Variants in COL23A1 observed in about 807,000 individuals in gnomAD.
The protein encoded by COL23A1 is collagen type XXIII alpha 1 chain.
COL23A1 carries 97 observed loss-of-function variants against 99.3 expected under a neutral mutation model. The ratio of observed to expected loss-of-function variants is 0.98; its 90% confidence interval spans 0.83 to 1.16. The LOEUF is 1.16. Among genes scored for constraint, COL23A1 ranks in the 50% most tolerant of loss-of-function variants. COL23A1 has a pLI of 0.00. For missense variants in COL23A1, 762 were observed against 757.4 expected (o/e 1.01, Z -0.07); for synonymous variants, 320 against 308.2 (o/e 1.04, Z -0.40).
intron 1 of COL23A1, among the ~76,000 whole-genome samples, chr5:178,565,480 C>A (rs1179714253): frequency 1.3e-5 from 2 of 152,170 alleles, no homozygotes; most frequent in Non-Finnish European, 2.9e-5. Flanking sequence ...AGCCTTCTCA[C>A]CACCACCAGC....
chr5:178,414,846 C>T (rs1330236440), intron 2 of COL23A1, among the ~76,000 whole-genome samples: 1 of 152,130 alleles, frequency 6.6e-6, no homozygotes, highest in East Asian at 1.9e-4. Context: ...CTAAGGCAGC[C>T]ACATCCCACA....
At chr5:178,463,629 T>C (rs1252817476) in intron 2 of COL23A1, among the ~76,000 whole-genome samples, 1 of 152,160 alleles carries the variant, frequency 6.6e-6, no homozygotes, top group Non-Finnish European at 1.5e-5. Flanking sequence ...GAGAAGAAGT[T>C]GATGAACTCA....
chr5:178,411,549 G>A (rs571425931), intron 2 of COL23A1, among the ~76,000 whole-genome samples: 1 of 152,310 alleles, frequency 6.6e-6, no homozygotes, highest in South Asian at 2.1e-4. Context: ...AAAAGGTGTT[G>A]TATAACTTAC....
intron 2 of COL23A1, among the ~76,000 whole-genome samples, chr5:178,486,927 T>C (rs1278422797): frequency 6.6e-6 from 1 of 152,194 alleles, no homozygotes; most frequent in African/African-American, 2.4e-5. Context: ...ACATCCCTCC[T>C]CTGGACCTCC....
At chr5:178,385,005 G>A (rs1581276411) in intron 2 of COL23A1, among the ~76,000 whole-genome samples, 2 of 152,200 alleles carry the variant, frequency 1.3e-5, no homozygotes, top group East Asian at 1.9e-4. Context: ...CACGCCGGGG[G>A]CTCTGTCCCT....
At chr5:178,243,271 T>G (rs1464920932) in intron 25 of COL23A1, among the ~76,000 whole-genome samples, 1 of 151,840 alleles carries the variant, frequency 6.6e-6, no homozygotes, top group Non-Finnish European at 1.5e-5. Flanking sequence ...GCAGATTGCT[T>G]GAGCTCAGGA....
chr5:178,528,674 G>A (rs1381465915), intron 2 of COL23A1, among the ~76,000 whole-genome samples: 2 of 152,242 alleles, frequency 1.3e-5, no homozygotes, highest in Non-Finnish European at 2.9e-5. Context: ...GCAGGGCATA[G>A]TGGCACGTGC....
intron 2 of COL23A1, among the ~76,000 whole-genome samples, chr5:178,318,437 G>A (rs1759094973): frequency 6.6e-6 from 1 of 152,228 alleles, no homozygotes; most frequent in Non-Finnish European, 1.5e-5. Context: ...GGCAGCTGAA[G>A]GGAGGACTGA....
chr5:178,577,928 G>C (rs1298046666), intron 1 of COL23A1, among the ~76,000 whole-genome samples: 1 of 152,234 alleles, frequency 6.6e-6, no homozygotes, highest in East Asian at 1.9e-4. Context: ...ACACTTGGAC[G>C]GGATAACTTC....
chr5:178,414,379 G>A (rs72822885), intron 2 of COL23A1, among the ~76,000 whole-genome samples: 3,584 of 151,546 alleles, frequency 0.024, 55 homozygotes, highest in Middle Eastern at 0.088. Context: ...GAGTGCCGTG[G>A]CTCTGGCATT....
At chr5:178,242,254 C>G in intron 26 of COL23A1, 87 bp downstream of exon 26, 1 of 1,513,946 alleles carries the variant, frequency 6.6e-7, no homozygotes, top group Non-Finnish European at 9.0e-7. Flanking sequence ...GGCCTGGGTT[C>G]TCTCTACCTG....
At chr5:178,265,129 T>C (rs1246884036) in intron 8 of COL23A1, among the ~76,000 whole-genome samples, 1 of 152,166 alleles carries the variant, frequency 6.6e-6, no homozygotes, top group Non-Finnish European at 1.5e-5. Context: ...TCCACAGATG[T>C]TCCCTGATCT....
chr5:178,260,214 G>A (rs1420004367), intron 11 of COL23A1, among the ~76,000 whole-genome samples: 3 of 152,358 alleles, frequency 2.0e-5, no homozygotes, highest in African/African-American at 7.2e-5. Context: ...GCACATGGAC[G>A]CTGACATCAG....
intron 1 of COL23A1, among the ~76,000 whole-genome samples, chr5:178,567,626 C>T (rs1762900042): frequency 6.6e-6 from 1 of 152,000 alleles, no homozygotes; most frequent in Admixed American, 6.6e-5. Context: ...GCCTGTAATC[C>T]CAGCTACTTG....
chr5:178,457,367 C>G (rs1767857360), intron 2 of COL23A1, among the ~76,000 whole-genome samples: 1 of 152,124 alleles, frequency 6.6e-6, no homozygotes, highest in Non-Finnish European at 1.5e-5. Flanking sequence ...GTGCCCGCCA[C>G]CACGCCCGGC....
Position 178,252,587 on chromosome 5 carries a change from C to T in COL23A1, c.971G>A (p.Gly324Glu). The T allele has an allele frequency of 6.2e-7, 1 of 1,610,510 alleles. No individual in the cohort carries two copies. Among genetic ancestry groups the T allele is most frequent in the Non-Finnish European group, 8.5e-7 (1 of 1,178,568 alleles). The change falls in exon 17 of 29, where the codon GGA becomes GAA. Residue 324 changes from glycine (G) to glutamate (E), a missense_variant. Coordinates refer to ENST00000390654, the MANE Select transcript of COL23A1 (RefSeq NM_173465.4). ...RILDALKGPP[G>E]PQGPPGPPGI... ...TGGTGGCCCTGGGGGCCCCTGTGGTCCGGGAGGCCCCTGTGTGTGAGAGTG... is the reference window on the plus strand; with the variant it reads ...TGGTGGCCCTGGGGGCCCCTGTGGTTCGGGAGGCCCCTGTGTGTGAGAGTG...
chr5:178,422,698 T>C (rs903831720), intron 2 of COL23A1, among the ~76,000 whole-genome samples: 1 of 152,076 alleles, frequency 6.6e-6, no homozygotes, highest in Non-Finnish European at 1.5e-5. Flanking sequence ...GGGAATAAAA[T>C]CACTCTGCAT....
At chr5:178,533,786 C>T (rs1760784764) in intron 2 of COL23A1, among the ~76,000 whole-genome samples, 1 of 152,188 alleles carries the variant, frequency 6.6e-6, no homozygotes, top group African/African-American at 2.4e-5. Flanking sequence ...CATGAGCCAC[C>T]ACACCCAGCC....
At chr5:178,405,851 C>T (rs1764734758) in intron 2 of COL23A1, among the ~76,000 whole-genome samples, 1 of 152,080 alleles carries the variant, frequency 6.6e-6, no homozygotes, top group Non-Finnish European at 1.5e-5. Context: ...GCCTGTAATC[C>T]CAGCACTTTG....
Sources: gnomAD v4.1 joint callset for allele counts (sites outside exome capture counted in the v4.1 genomes callset) on GRCh38, gnomAD v4.1.1 for gene constraint, MANE v1.5 for transcripts, NCBI Gene and HGNC (gene_info 2026-07-23, HGNC 2026-07-21) for gene names.